The following CDKL4 variants were observed in gnomAD, a reference collection of about 807,000 sequenced individuals.
The protein encoded by CDKL4 is cyclin-dependent kinase-like 4.
A neutral mutation model predicts 42.0 loss-of-function variants in CDKL4; 44 were observed. That is an observed-to-expected ratio of 1.05 (90% CI 0.82 to 1.35). CDKL4 has a LOEUF of 1.35. Ranked by LOEUF, CDKL4 falls within the 40% of genes most tolerant of loss-of-function variation. CDKL4 has a pLI of 0.00. For synonymous variants in CDKL4, 120 were observed against 121.6 expected, an observed-to-expected ratio of 0.99 and a Z score of 0.09; for missense variants, 393 against 369.9, an observed-to-expected ratio of 1.06 and a Z score of -0.51.
upstream of CDKL4, among the ~76,000 whole-genome samples, chr2:39,245,397 A>T (rs1679870297): frequency 6.6e-6 from 1 of 152,056 alleles, no homozygotes; most frequent in South Asian, 2.1e-4. Context: ...CCCCGAACAC[A>T]TCTGAACATC....
At chr2:39,204,382 T>A (rs1367687928) in intron 5 of CDKL4, 145 bp downstream of exon 5, 3 of 633,876 alleles carry the variant, frequency 4.7e-6, no homozygotes, top group Non-Finnish European at 8.3e-6. Flanking sequence ...ACGAATGTAC[T>A]GACTAAAAGG....
chr2:39,220,742 G>A (rs1300873608), intron 3 of CDKL4, among the ~76,000 whole-genome samples: 9 of 151,638 alleles, frequency 5.9e-5, no homozygotes, highest in Non-Finnish European at 1.0e-4. Flanking sequence ...CTGCCACCAC[G>A]CCTGGCTAAT....
intron 3 of CDKL4, among the ~76,000 whole-genome samples, chr2:39,218,058 C>T (rs1678046681): frequency 1.3e-5 from 2 of 151,792 alleles, no homozygotes; most frequent in Middle Eastern, 3.4e-3. Context: ...TACTTTCAAT[C>T]AGGCTGTTAA....
At chr2:39,242,116 G>T (rs1254092506) in intron 1 of CDKL4, among the ~76,000 whole-genome samples, 1 of 151,828 alleles carries the variant, frequency 6.6e-6, no homozygotes, top group African/African-American at 2.4e-5. Context: ...CACGATCAGG[G>T]CTCACTGCAG....
intron 3 of CDKL4, among the ~76,000 whole-genome samples, chr2:39,217,886 A>G (rs1678032314): frequency 6.6e-6 from 1 of 152,090 alleles, no homozygotes; most frequent in South Asian, 2.1e-4. Flanking sequence ...GGCATGTGCC[A>G]TCACACTCAG....
intron 3 of CDKL4, among the ~76,000 whole-genome samples, chr2:39,225,419 A>G (rs1203854233): frequency 1.3e-5 from 2 of 151,290 alleles, no homozygotes; most frequent in Admixed American, 1.3e-4. Context: ...AAAAAAAACT[A>G]TTCTTTTAAT....
intron 3 of CDKL4, among the ~76,000 whole-genome samples, chr2:39,215,203 T>C (rs1677841525): frequency 6.6e-6 from 1 of 152,238 alleles, no homozygotes; most frequent in African/African-American, 2.4e-5. Context: ...AATAAAAAGA[T>C]GTCTCACTGT....
downstream of CDKL4, among the ~76,000 whole-genome samples, chr2:39,170,654 G>A (rs1261768776): frequency 3.3e-5 from 5 of 151,764 alleles, no homozygotes; most frequent in East Asian, 1.9e-4. Flanking sequence ...ACGGGGTTTC[G>A]CCATGTTGGC....
downstream of CDKL4, among the ~76,000 whole-genome samples, chr2:39,175,057 A>C (rs1172187845): frequency 6.6e-6 from 1 of 152,044 alleles, no homozygotes; most frequent in East Asian, 1.9e-4. Context: ...GTTTTGTAAG[A>C]GATATGAAAT....
chr2:39,169,765 T>C, the CDKL4 span, among the ~76,000 whole-genome samples: 1 of 152,118 alleles, frequency 6.6e-6, no homozygotes, highest in African/African-American at 2.4e-5. Flanking sequence ...ACCAAATGAT[T>C]TTTCTATTTA....
chr2:39,204,546 G>C lies in CDKL4; in HGVS notation c.435C>G (p.Phe145Leu), dbSNP rs11892364. The stretch of plus-strand genomic sequence containing the variant: ...ACTTACTCAGAATTTGTGCAAACCC[G>C]AAGTCACAAATCTTGATTATTCCTT... Residue 145 changes from phenylalanine (F) to leucine (L), a missense_variant, in exon 5 of 10, where the codon TTC becomes TTG. Coordinates refer to ENST00000451199, the Ensembl canonical transcript of CDKL4. 1.1e-5 allele frequency: 17 copies of C among 1,608,196 alleles called. No individual in the cohort carries two copies. In the African/African-American group the frequency reaches 2.1e-4, roughly 20 times the overall value.
chr2:39,204,575 T>C (rs776519736), exon 5 of CDKL4: 38 of 1,608,334 alleles, frequency 2.4e-5, no homozygotes, highest in Non-Finnish European at 2.7e-5. Context: ...ATTCCTTGCT[T>C]AGTTATTAGA....
At chr2:39,184,314 G>C (rs548140466) in intron 8 of CDKL4, among the ~76,000 whole-genome samples, 6 of 152,148 alleles carry the variant, frequency 3.9e-5, no homozygotes, top group Non-Finnish European at 8.8e-5. Context: ...ATCTGTCCTT[G>C]GTTTGGCGTC....
the CDKL4 span, among the ~76,000 whole-genome samples, chr2:39,169,375 G>A: frequency 3.9e-5 from 6 of 152,166 alleles, no homozygotes; most frequent in African/African-American, 7.2e-5. Context: ...GATGGAGCTA[G>A]TAGGGTGTAG....
chr2:39,197,094 T>C (rs546332789), intron 5 of CDKL4, among the ~76,000 whole-genome samples: 2 of 152,014 alleles, frequency 1.3e-5, no homozygotes, highest in South Asian at 4.2e-4. Context: ...AGGATATGAA[T>C]GGAAAAATCT....
chr2:39,231,318 C>G (rs1679083279), intron 1 of CDKL4, among the ~76,000 whole-genome samples: 1 of 152,198 alleles, frequency 6.6e-6, no homozygotes. Flanking sequence ...AAAAAGTTGA[C>G]TACTTGTAAA....
chr2:39,225,720 C>T (rs11124663), intron 3 of CDKL4, 119 bp downstream of exon 3: 788,424 of 918,084 alleles, frequency 0.86, 348,696 homozygotes, highest in Non-Finnish European at 0.92. Flanking sequence ...ATGGGGTAGC[C>T]AGATGCATTG....
intron 5 of CDKL4, among the ~76,000 whole-genome samples, chr2:39,199,333 T>C (rs1019651556): frequency 6.6e-6 from 1 of 151,876 alleles, no homozygotes; most frequent in African/African-American, 2.4e-5. Flanking sequence ...AGCAGCGAGA[T>C]TGAAATGATA....
chr2:39,193,980 T>C (rs1393583988), intron 5 of CDKL4, among the ~76,000 whole-genome samples: 1 of 152,246 alleles, frequency 6.6e-6, no homozygotes, highest in Non-Finnish European at 1.5e-5. Flanking sequence ...TTAATTTTTT[T>C]CTCAGTAATA....
Sources: allele counts gnomAD v4.1 joint callset (sites outside exome capture counted in the v4.1 genomes callset), GRCh38; gene constraint gnomAD v4.1.1; transcripts MANE v1.5; gene names NCBI Gene and HGNC (gene_info 2026-07-23, HGNC 2026-07-21).